EBF4: variants seen among roughly 807,000 people sequenced by gnomAD.
The protein encoded by EBF4 is EBF transcription factor 4.
A neutral mutation model predicts 67.1 loss-of-function variants in EBF4; 34 were observed. The ratio of observed to expected loss-of-function variants is 0.51; its 90% confidence interval spans 0.39 to 0.67. The LOEUF is 0.67. EBF4 is among the 30% of genes least tolerant of loss of function. EBF4 has a pLI of 0.00. For synonymous variants in EBF4, 387 were observed against 377.7 expected (o/e 1.02, Z -0.29); for missense variants, 837 against 873.3 (o/e 0.96, Z 0.52).
At chr20:2,750,188 C>G (rs1055216033) in intron 10 of EBF4, among the ~76,000 whole-genome samples, 1 of 152,128 alleles carries the variant, frequency 6.6e-6, no homozygotes, top group Admixed American at 6.5e-5. Context: ...TCCCTGGCCT[C>G]TGGCTCCTTA....
rs1483705069 is a variant in EBF4, at chr20:2,756,222, CT to C, written c.1738+399del. On this transcript the variant is annotated intron_variant, in intron 15 of 16. Transcript: ENST00000609451. This position sits in a 1 kb window ranked among gnomAD's most constrained non-coding sequence, Gnocchi z 4.5. ...GTCCACCAGAGGGTAGCACACACCACTGTGAGGGACTGGGTCGCTGACCATG... is the reference window on the plus strand; with the variant it reads ...GTCCACCAGAGGGTAGCACACACCACGTGAGGGACTGGGTCGCTGACCATG... Among the ~76,000 whole-genome samples the C allele has an allele frequency of 6.6e-6, 1 of 152,256 alleles. No homozygotes were observed. The highest frequency in any genetic ancestry group is 1.5e-5 in the Non-Finnish European group (1 of 68,046).
rs1243378408 is a variant in EBF4 at position 2,693,897 on chromosome 20, C to G, written c.137+115C>G. On this transcript the variant is annotated intron_variant, in intron 1 of 16. Coordinates refer to ENST00000609451, the Ensembl canonical transcript of EBF4. The surrounding 1 kb of genome is among the most constrained non-coding windows in gnomAD (Gnocchi z 4.6). ...GGAAGGAGCCCTAACTCTGGACGGTCCCGGCGAGCTCCCCGGCCCACCCCG... is the reference window on the plus strand; with the variant it reads ...GGAAGGAGCCCTAACTCTGGACGGTGCCGGCGAGCTCCCCGGCCCACCCCG... 2 of 1,212,172 alleles carry G rather than the reference C, an allele frequency of 1.6e-6. No homozygotes were observed. The highest frequency in any genetic ancestry group is 3.1e-5 in the African/African-American group (2 of 63,890). The allele number at this position is 1,212,172 out of a possible 1,614,324, so 75.1% of individuals were successfully genotyped here.
In EBF4 at chr20:2,739,341, C is replaced by T. The variant is rs1475878930; in HGVS notation, c.558-9208C>T. Among the ~76,000 whole-genome samples, 1 of 151,788 alleles carries T rather than the reference C, an allele frequency of 6.6e-6. No individual in the cohort carries two copies. Among genetic ancestry groups the T allele is most frequent in the Admixed American group, 6.6e-5 (1 of 15,236 alleles). On this transcript the variant is annotated intron_variant, in intron 6 of 16. Coordinates refer to ENST00000609451, the Ensembl canonical transcript of EBF4. The surrounding 1 kb of genome is among the most constrained non-coding windows in gnomAD (Gnocchi z 4.5). The stretch of plus-strand genomic sequence containing the variant: ...CGTGGTGGAGCTGTTAGTCCCTTTG[C>T]ATGGAGGGCCCTGCCTCCTACTTCT...
chr20:2,708,095 C>T lies in EBF4; in HGVS notation c.488+75C>T, dbSNP rs531263074. On this transcript the variant is annotated intron_variant, in intron 5 of 16. Coordinates refer to ENST00000609451, the Ensembl canonical transcript of EBF4. The stretch of plus-strand genomic sequence containing the variant: ...GAGGACTCTACCCAGGCCCTGCCCC[C>T]TCGCCGCCCTTGCCCCTGGCTGCTC... The T allele has an allele frequency of 1.8e-5, 26 of 1,451,112 alleles. No individual in the cohort carries two copies. In the South Asian group the frequency reaches 3.4e-4, roughly 19 times the overall value. The allele number at this position is 1,451,112 out of a possible 1,614,324, so 89.9% of individuals were successfully genotyped here.
rs2087243185 is a variant in EBF4 at position 2,693,598 on chromosome 20, C to T, written c.-48C>T. On this transcript the variant is annotated 5_prime_UTR_variant, in exon 1 of 17. Transcript: ENST00000609451. This position sits in a 1 kb window ranked among gnomAD's most constrained non-coding sequence, Gnocchi z 4.6. ...CTGAGCTAGACGCCCGCAGCCTCAG[C>T]GGGACCGGATCCGGGGCGGCGGGGG... 2 of 1,348,766 alleles carry T rather than the reference C, an allele frequency of 1.5e-6. No individual in the cohort carries two copies. The allele number at this position is 1,348,766 out of a possible 1,614,324, so 83.5% of individuals were successfully genotyped here.
chr20:2,746,703 T>A (rs2088055390), intron 6 of EBF4, among the ~76,000 whole-genome samples: 1 of 152,176 alleles, frequency 6.6e-6, no homozygotes, highest in African/African-American at 2.4e-5. Context: ...AAATTTGGGG[T>A]ATATAAGTAG....
At chr20:2,737,031 C>CTT (rs2087890121) in intron 6 of EBF4, among the ~76,000 whole-genome samples, 1 of 151,924 alleles carries the variant, frequency 6.6e-6, no homozygotes, top group Non-Finnish European at 1.5e-5. Context: ...GGGCAGATCA[C>CTT]AAGGTCAGGA....
At chr20:2,711,047 C>T (rs1399100865) in intron 6 of EBF4, among the ~76,000 whole-genome samples, 1 of 151,822 alleles carries the variant, frequency 6.6e-6, no homozygotes, top group East Asian at 1.9e-4. Context: ...ACTCAGGAGG[C>T]CGAGGTGGGA....
intron 6 of EBF4, among the ~76,000 whole-genome samples, chr20:2,733,815 G>GAAAAAAAA (rs202216825): frequency 9.4e-6 from 1 of 106,744 alleles, no homozygotes. Flanking sequence ...TAGCTGATGA[G>GAAAAAAAA]AAAAAAAAAA....
intron 1 of EBF4, among the ~76,000 whole-genome samples, chr20:2,701,279 G>T (rs1167795992): frequency 6.6e-6 from 1 of 152,236 alleles, no homozygotes; most frequent in Non-Finnish European, 1.5e-5. Flanking sequence ...ATGGGGCAGG[G>T]CACAGGCATG....
intron 6 of EBF4, among the ~76,000 whole-genome samples, chr20:2,738,964 C>CA (rs1232422061): frequency 6.6e-6 from 1 of 152,184 alleles, no homozygotes; most frequent in African/African-American, 2.4e-5. Context: ...ATCTGCACTG[C>CA]AGCCACCTCT....
At chr20:2,725,166 T>C (rs1246914271) in intron 6 of EBF4, among the ~76,000 whole-genome samples, 1 of 152,198 alleles carries the variant, frequency 6.6e-6, no homozygotes, top group African/African-American at 2.4e-5. Context: ...CTCTCTTTTC[T>C]CTTCTGGCAC....
At chr20:2,754,138 T>C (rs1336026605) in intron 14 of EBF4, among the ~76,000 whole-genome samples, 1 of 152,192 alleles carries the variant, frequency 6.6e-6, no homozygotes, top group African/African-American at 2.4e-5. Context: ...ACACTGGACT[T>C]GAGGGAGGGT....
At chr20:2,733,457 T>C (rs2087840985) in intron 6 of EBF4, among the ~76,000 whole-genome samples, 1 of 152,182 alleles carries the variant, frequency 6.6e-6, no homozygotes, top group African/African-American at 2.4e-5. Context: ...TGTTTTTCAT[T>C]ACTGAGCACA....
At chr20:2,758,177 A>G (rs748783150) in intron 15 of EBF4, among the ~76,000 whole-genome samples, 65 of 152,194 alleles carry the variant, frequency 4.3e-4, no homozygotes, top group Non-Finnish European at 7.2e-4. Context: ...TCTACCAATG[A>G]GAAGTCATCA....
chr20:2,733,321 G>C (rs2087838767), intron 6 of EBF4, among the ~76,000 whole-genome samples: 1 of 151,918 alleles, frequency 6.6e-6, no homozygotes, highest in Non-Finnish European at 1.5e-5. Context: ...CTCTCTCATT[G>C]CTTCTCAGAT....
At chr20:2,693,377 C>T (rs996254036), upstream of EBF4, among the ~76,000 whole-genome samples, 1 of 151,318 alleles carries the variant, frequency 6.6e-6, no homozygotes, top group Non-Finnish European at 1.5e-5. This position sits in a 1 kb window ranked among gnomAD's most constrained non-coding sequence, Gnocchi z 4.6. Context: ...CCCCGCCCCG[C>T]TCGCAGTCCG....
At chr20:2,737,110 C>T (rs528618328) in intron 6 of EBF4, among the ~76,000 whole-genome samples, 15 of 150,606 alleles carry the variant, frequency 1.0e-4, no homozygotes, top group African/African-American at 2.2e-4. Context: ...ATTAGCCGGG[C>T]GTGGTGGCGG....
intron 6 of EBF4, among the ~76,000 whole-genome samples, chr20:2,718,520 G>A (rs188597939): frequency 1.6e-3 from 243 of 152,254 alleles, no homozygotes; most frequent in African/African-American, 5.5e-3. Flanking sequence ...TAATTTATGT[G>A]TTTCAAAGAA....
Sources: gnomAD v4.1 joint callset for allele counts (sites outside exome capture counted in the v4.1 genomes callset) on GRCh38, gnomAD v4.1.1 for gene constraint, Gnocchi (gnomAD v3.1) non-coding constraint, MANE v1.5 for transcripts, NCBI Gene and HGNC (gene_info 2026-07-23, HGNC 2026-07-21) for gene names.